The following NEK1 variants were observed in gnomAD, a reference collection of about 807,000 sequenced individuals.
NEK1 encodes serine/threonine-protein kinase Nek1.
A neutral mutation model predicts 182.1 loss-of-function variants in NEK1; 137 were observed. The observed-to-expected ratio is 0.75, with a 90% confidence interval of 0.65 to 0.87. The LOEUF is 0.87. Ranked by LOEUF, NEK1 falls within the 40% of genes least tolerant of loss-of-function variation. The pLI, the probability that NEK1 is intolerant of heterozygous loss-of-function variation, is 0.00. For missense variants in NEK1, 1,391 were observed against 1,494.4 expected, an observed-to-expected ratio of 0.93 and a Z score of 1.14; for synonymous variants, 513 against 492.2, an observed-to-expected ratio of 1.04 and a Z score of -0.56.
At chr4:169,472,310 C>T (rs998631408) in intron 26 of NEK1, among the ~76,000 whole-genome samples, 3 of 152,178 alleles carry the variant, frequency 2.0e-5, no homozygotes, top group Admixed American at 6.5e-5. Context: ...TGAAAACCAT[C>T]GGAAAAGCGT....
At chr4:169,591,153 C>T (rs527412871) in intron 5 of NEK1, among the ~76,000 whole-genome samples, 32 of 147,660 alleles carry the variant, frequency 2.2e-4, no homozygotes, top group South Asian at 1.5e-3. Flanking sequence ...CGCCCCCCCC[C>T]CACTTCTTTA....
At chr4:169,512,425 T>C (rs1754342571) in intron 19 of NEK1, among the ~76,000 whole-genome samples, 1 of 152,152 alleles carries the variant, frequency 6.6e-6, no homozygotes, top group African/African-American at 2.4e-5. Flanking sequence ...GTGAAATGTT[T>C]TGTATAAATT....
At chr4:169,605,541 T>A (rs1230857571) in intron 2 of NEK1, among the ~76,000 whole-genome samples, 1 of 152,176 alleles carries the variant, frequency 6.6e-6, no homozygotes, top group Non-Finnish European at 1.5e-5. Context: ...ACTTCCTAGT[T>A]GTGAGACTTC....
chr4:169,407,825 C>A (rs1192558850), intron 31 of NEK1, among the ~76,000 whole-genome samples: 2 of 152,176 alleles, frequency 1.3e-5, no homozygotes, highest in Admixed American at 1.3e-4. Context: ...TATACTTGGC[C>A]AATTTTATTG....
At chr4:169,538,258 G>A (rs184249467) in intron 18 of NEK1, among the ~76,000 whole-genome samples, 112 of 152,098 alleles carry the variant, frequency 7.4e-4, no homozygotes, top group Non-Finnish European at 1.3e-3. Flanking sequence ...TCAGAACTCT[G>A]TATCAAATAT....
intron 16 of NEK1, among the ~76,000 whole-genome samples, chr4:169,556,318 GACAA>G (rs1415751540): frequency 3.3e-5 from 5 of 152,070 alleles, no homozygotes; most frequent in African/African-American, 7.2e-5. Context: ...AGCATAATGT[GACAA>G]ACAAAAACAG....
intron 27 of NEK1, among the ~76,000 whole-genome samples, chr4:169,445,914 T>C (rs534587247): frequency 3.4e-5 from 5 of 148,638 alleles, no homozygotes; most frequent in African/African-American, 1.3e-4. Context: ...TATTCAGCCA[T>C]AAAAAGAATG....
chr4:169,560,689 G>A (rs781393892), intron 16 of NEK1, among the ~76,000 whole-genome samples: 1 of 151,812 alleles, frequency 6.6e-6, no homozygotes, highest in Admixed American at 6.6e-5. Context: ...AAAAGAGGAA[G>A]TATAAGATTC....
rs557191890 is a variant in NEK1 at position 169,474,567 on chromosome 4, C to A, written c.2434+2557G>T. Among the ~76,000 whole-genome samples, 179 of 152,286 alleles carry A rather than the reference C, an allele frequency of 1.2e-3. 1 individual carries two copies. The highest frequency in any genetic ancestry group is 2.1e-3 in the Non-Finnish European group (141 of 68,026). On this transcript the variant is annotated intron_variant, in intron 26 of 35. Transcript: ENST00000507142. The stretch of plus-strand genomic sequence containing the variant: ...TAGCACTCTAATGACACTGCTTTTA[C>A]CAAGCTCACATTGCCTCTTCTCTGA...
intron 5 of NEK1, among the ~76,000 whole-genome samples, chr4:169,591,335 A>G (rs1207435838): frequency 6.6e-6 from 1 of 151,896 alleles, no homozygotes; most frequent in Non-Finnish European, 1.5e-5. Flanking sequence ...TTTTTTTTAC[A>G]GAGACAGTGT....
chr4:169,578,301 T>G (rs1349158740), intron 11 of NEK1, among the ~76,000 whole-genome samples: 3 of 152,212 alleles, frequency 2.0e-5, no homozygotes, highest in African/African-American at 7.2e-5. Context: ...TCTCTTATTT[T>G]TAATATCTGC....
At chr4:169,600,069 G>A (rs1770223998) in intron 4 of NEK1, among the ~76,000 whole-genome samples, 1 of 152,070 alleles carries the variant, frequency 6.6e-6, no homozygotes, top group Admixed American at 6.5e-5. Flanking sequence ...TACTTCTTAA[G>A]TAAGGAAGAG....
At chr4:169,458,206 A>C (rs930031313) in intron 27 of NEK1, among the ~76,000 whole-genome samples, 4 of 152,182 alleles carry the variant, frequency 2.6e-5, no homozygotes, top group Admixed American at 6.5e-5. Flanking sequence ...AAGAACAGGA[A>C]AAAAGTTGAA....
chr4:169,411,743 G>A (rs1238023964), intron 31 of NEK1, among the ~76,000 whole-genome samples: 2 of 152,152 alleles, frequency 1.3e-5, no homozygotes, highest in South Asian at 2.1e-4. Context: ...TCTTGAAAAT[G>A]TTACTATTTT....
rs1318895616 is a variant in NEK1 at position 169,477,266 on chromosome 4, A to C, written c.2292T>G (p.Phe764Leu). 6.3e-7 allele frequency: 1 copy of C among 1,598,222 alleles called. No individual in the cohort carries two copies. The highest frequency in any genetic ancestry group is 1.7e-5 in the Admixed American group (1 of 58,014). ...TGGCATCTTCATGAACATTTATCTC[A>C]AAAGTATCAGAGAGATTCTGCTTTC... ...EKGKQNLSDT[F>L]EINVHEDAKE... Residue 764 changes from phenylalanine (F) to leucine (L), a missense_variant, in exon 26 of 36, where the codon TTT (phenylalanine) becomes TTG (leucine). Physicochemically the swap from Phe to Leu is conservative, Grantham distance 22. Coordinates refer to ENST00000507142, the MANE Select transcript of NEK1 (RefSeq NM_001199397.3).
chr4:169,509,112 G>T (rs60370426), intron 19 of NEK1, among the ~76,000 whole-genome samples: 20 of 151,752 alleles, frequency 1.3e-4, no homozygotes, highest in African/African-American at 3.1e-4. Context: ...CTTAAGAGGG[G>T]TTTTTTTTGT....
At chr4:169,421,411 T>C (rs1485373644) in intron 31 of NEK1, among the ~76,000 whole-genome samples, 1 of 152,148 alleles carries the variant, frequency 6.6e-6, no homozygotes, top group Non-Finnish European at 1.5e-5. Flanking sequence ...CTATACAAGT[T>C]GATATGGTTT....
At chr4:169,448,732 C>G (rs577548533) in intron 27 of NEK1, among the ~76,000 whole-genome samples, 1 of 152,182 alleles carries the variant, frequency 6.6e-6, no homozygotes, top group African/African-American at 2.4e-5. Context: ...CAGCTTCCAG[C>G]GTGCTTGATG....
chr4:169,564,428 A>G (rs900377937), intron 12 of NEK1, among the ~76,000 whole-genome samples: 2 of 152,154 alleles, frequency 1.3e-5, no homozygotes, highest in African/African-American at 4.8e-5. Context: ...AACATAAGTC[A>G]TTGATATAAA....
Sources: allele counts gnomAD v4.1 joint callset (sites outside exome capture counted in the v4.1 genomes callset), GRCh38; gene constraint gnomAD v4.1.1; transcripts MANE v1.5; gene names NCBI Gene and HGNC (gene_info 2026-07-23, HGNC 2026-07-21).